The following DLG2 variants were observed in gnomAD, a reference collection of about 807,000 sequenced individuals.
The protein encoded by DLG2 is discs large MAGUK scaffold protein 2.
DLG2 carries 45 observed loss-of-function variants against 132.5 expected under a neutral mutation model. The observed-to-expected ratio is 0.34, with a 90% confidence interval of 0.27 to 0.44. DLG2 has a LOEUF of 0.44. Ranked by LOEUF, DLG2 falls within the 20% of genes least tolerant of loss-of-function variation. The pLI is 1.00. For missense variants in DLG2, 1,045 were observed against 1,196.9 expected (o/e 0.87, Z 1.87); for synonymous variants, 424 against 419.6 (o/e 1.01, Z -0.13).
At chr11:83,508,100 A>G (rs992745023) in intron 21 of DLG2, among the ~76,000 whole-genome samples, 1 of 152,016 alleles carries the variant, frequency 6.6e-6, no homozygotes, top group Non-Finnish European at 1.5e-5. Context: ...CTCAAATGCT[A>G]ATCTCCTTTG....
At chr11:84,303,656 TG>T (rs1218663609) in intron 7 of DLG2, among the ~76,000 whole-genome samples, 3 of 152,214 alleles carry the variant, frequency 2.0e-5, no homozygotes, top group Non-Finnish European at 4.4e-5. Flanking sequence ...ATGACCCACT[TG>T]AATATGGAAT....
chr11:84,930,184 A>G (rs1255148541), intron 6 of DLG2, among the ~76,000 whole-genome samples: 1 of 152,050 alleles, frequency 6.6e-6, no homozygotes, highest in East Asian at 1.9e-4. Flanking sequence ...GCCCCTACAG[A>G]GTCTTTTTTC....
At chr11:83,663,506 C>G (rs1253761968) in intron 18 of DLG2, among the ~76,000 whole-genome samples, 3 of 152,082 alleles carry the variant, frequency 2.0e-5, no homozygotes, top group African/African-American at 7.2e-5. Flanking sequence ...GGCAAGACAC[C>G]CTGTTAAAAA....
chr11:85,351,102 T>G (rs149832825), intron 3 of DLG2, among the ~76,000 whole-genome samples: 1,913 of 152,338 alleles, frequency 0.013, 23 homozygotes, highest in Middle Eastern at 0.044. Flanking sequence ...TGGTTTGTAG[T>G]TCTCCTTGAA....
chr11:84,073,670 TTTAAA>T (rs1361222122), intron 10 of DLG2, among the ~76,000 whole-genome samples: 6 of 152,342 alleles, frequency 3.9e-5, no homozygotes, highest in Middle Eastern at 6.8e-3. Context: ...GCGGTTAGGC[TTTAAA>T]TTAAAGTTCT....
chr11:83,503,369 TTATATA>T (rs34969401), intron 21 of DLG2, among the ~76,000 whole-genome samples: 2,616 of 90,382 alleles, frequency 0.029, 79 homozygotes, highest in African/African-American at 0.048. Flanking sequence ...ACACACCCAT[TTATATA>T]TATATATATA....
intron 3 of DLG2, among the ~76,000 whole-genome samples, chr11:85,486,347 G>T (rs2093428699): frequency 6.6e-6 from 1 of 152,158 alleles, no homozygotes; most frequent in Non-Finnish European, 1.5e-5. Context: ...CCTGGTGGTA[G>T]GCCCACAGCA....
chr11:84,512,895 C>G (rs2099261129), intron 7 of DLG2, among the ~76,000 whole-genome samples: 1 of 151,980 alleles, frequency 6.6e-6, no homozygotes, highest in Non-Finnish European at 1.5e-5. Flanking sequence ...GAACAGAAAA[C>G]CAAACACCTC....
At chr11:85,350,640 T>C (rs2083214556) in intron 3 of DLG2, among the ~76,000 whole-genome samples, 1 of 152,238 alleles carries the variant, frequency 6.6e-6, no homozygotes, top group South Asian at 2.1e-4. Flanking sequence ...TAGCCAGTTT[T>C]CCCAGCACCA....
chr11:85,576,383 TA>T (rs749111500), intron 3 of DLG2, among the ~76,000 whole-genome samples: 8 of 152,158 alleles, frequency 5.3e-5, no homozygotes, highest in Non-Finnish European at 1.2e-4. Flanking sequence ...CCTGACCTCA[TA>T]AATCACACTT....
intron 6 of DLG2, among the ~76,000 whole-genome samples, chr11:85,099,443 T>C (rs2070476399): frequency 6.6e-6 from 1 of 152,220 alleles, no homozygotes; most frequent in African/African-American, 2.4e-5. Context: ...TGTTATTTCC[T>C]TGAATTTCTA....
chr11:85,172,582 C>A (rs572548442), intron 4 of DLG2, among the ~76,000 whole-genome samples: 1 of 152,308 alleles, frequency 6.6e-6, no homozygotes, highest in East Asian at 1.9e-4. Context: ...TGCAATACCT[C>A]TCCTGCAAGG....
rs1407822110 is a variant in DLG2 at position 85,192,356 on chromosome 11, T to C, written c.187-37705A>G. On this transcript the variant is annotated intron_variant, in intron 4 of 27. Coordinates refer to ENST00000376104, the MANE Select transcript of DLG2 (RefSeq NM_001142699.3). ...ATTAACTTCAGCTAAATTAAATTAA[T>C]TCATCCAAGGAATTCTGATGGGACT... Among the ~76,000 whole-genome samples, 3 of 152,314 alleles carry C rather than the reference T, an allele frequency of 2.0e-5. 1 individual carries two copies. The highest frequency in any genetic ancestry group is 6.8e-3 in the Middle Eastern group (2 of 294).
chr11:84,890,144 G>C (rs985559933), intron 6 of DLG2, among the ~76,000 whole-genome samples: 3 of 152,088 alleles, frequency 2.0e-5, no homozygotes, highest in African/African-American at 7.2e-5. Context: ...AACAATTAGG[G>C]GACCTGATTG....
chr11:84,177,507 T>C lies in DLG2; in HGVS notation c.574-13996A>G, dbSNP rs922238939. On this transcript the variant is annotated intron_variant, in intron 8 of 27. Coordinates refer to ENST00000376104, the MANE Select transcript of DLG2 (RefSeq NM_001142699.3). ...GGCTAATCCTAAATTGGCCTCTTAA[T>C]AATTTTTGTGACTTTAGAAAAGTTA... Among the ~76,000 whole-genome samples, 7 of 152,200 alleles carry C rather than the reference T, an allele frequency of 4.6e-5. No homozygotes were observed. In the East Asian group the frequency reaches 1.2e-3, roughly 25 times the overall value.
At chr11:83,495,520 C>G (rs1048357011) in intron 21 of DLG2, among the ~76,000 whole-genome samples, 1 of 152,076 alleles carries the variant, frequency 6.6e-6, no homozygotes, top group African/African-American at 2.4e-5. Flanking sequence ...TGTCACAGAA[C>G]TCTATATACC....
chr11:84,185,710 G>C (rs2096263060), intron 8 of DLG2, among the ~76,000 whole-genome samples: 1 of 152,128 alleles, frequency 6.6e-6, no homozygotes, highest in Admixed American at 6.5e-5. Context: ...CTGTGGGTTT[G>C]TCATAGATAT....
chr11:83,492,273 T>C (rs1312177022), intron 21 of DLG2, among the ~76,000 whole-genome samples: 2 of 152,114 alleles, frequency 1.3e-5, no homozygotes, highest in African/African-American at 4.8e-5. Context: ...CCTGAAACGC[T>C]TGCTTCCTTG....
At chr11:85,038,578 C>A (rs2061599336) in intron 6 of DLG2, among the ~76,000 whole-genome samples, 1 of 151,936 alleles carries the variant, frequency 6.6e-6, no homozygotes, top group Admixed American at 6.6e-5. Flanking sequence ...TGCATTATAT[C>A]CCGCCTCCAA....
Sources: gnomAD v4.1 joint callset for allele counts (sites outside exome capture counted in the v4.1 genomes callset) on GRCh38, gnomAD v4.1.1 for gene constraint, MANE v1.5 for transcripts, NCBI Gene and HGNC (gene_info 2026-07-23, HGNC 2026-07-21) for gene names.